Variants in HYCC2 observed in about 807,000 individuals in gnomAD.
HYCC2 encodes hyccin PI4KA lipid kinase complex subunit 2, also known as hyccin 2.
the HYCC2 span, among the ~76,000 whole-genome samples, chr2:200,984,153 C>G: frequency 1.3e-5 from 2 of 152,152 alleles, no homozygotes; most frequent in African/African-American, 4.8e-5. Flanking sequence ...GATCCTCCCA[C>G]CTCAGCCTCT....
At chr2:201,063,466 A>C in the HYCC2 span, 1 of 1,591,212 alleles carries the variant, frequency 6.3e-7, no homozygotes, top group Non-Finnish European at 8.5e-7. Context: ...ATTATTTTGA[A>C]CAGTATGGAA....
At chr2:201,048,749 T>G in the HYCC2 span, among the ~76,000 whole-genome samples, 2 of 152,108 alleles carry the variant, frequency 1.3e-5, no homozygotes, top group African/African-American at 2.4e-5. Flanking sequence ...AGGATGATTA[T>G]TAGAGATTAA....
chr2:200,981,704 T>C, the HYCC2 span: 4 of 1,614,044 alleles, frequency 2.5e-6, no homozygotes, highest in Admixed American at 6.7e-5. This position sits in a 1 kb window ranked among gnomAD's most constrained non-coding sequence, Gnocchi z 4.5. Context: ...GCTGTTTCTT[T>C]ATCCTTGGCT....
chr2:200,995,825 G>A, the HYCC2 span, among the ~76,000 whole-genome samples: 6 of 152,270 alleles, frequency 3.9e-5, no homozygotes, highest in East Asian at 1.2e-3. Flanking sequence ...GATGTGTGAT[G>A]TTTTACCCTG....
the HYCC2 span, chr2:201,011,507 A>C: frequency 9.5e-7 from 1 of 1,057,018 alleles, no homozygotes. Context: ...TAATGAAATA[A>C]TCACAGATCT....
At chr2:201,071,534 T>C in the HYCC2 span, 1 of 152,658 alleles carries the variant, frequency 6.6e-6, no homozygotes, top group Non-Finnish European at 1.5e-5. Flanking sequence ...CCGTCTGTAG[T>C]TTCCGCGGCC....
the HYCC2 span, among the ~76,000 whole-genome samples, chr2:201,059,247 A>G: frequency 1.4e-4 from 22 of 152,322 alleles, no homozygotes; most frequent in African/African-American, 4.3e-4. Context: ...ACCTTATAAT[A>G]AATCACACAC....
the HYCC2 span, among the ~76,000 whole-genome samples, chr2:201,042,643 G>A: frequency 2.7e-5 from 4 of 149,644 alleles, no homozygotes; most frequent in Non-Finnish European, 5.9e-5. Flanking sequence ...CCTGGCAGCC[G>A]CCCCATCCGG....
chr2:201,016,845 C>T, the HYCC2 span: 1 of 702,256 alleles, frequency 1.4e-6, no homozygotes, highest in African/African-American at 1.8e-5. Flanking sequence ...AGTGATATGC[C>T]TGCCTTGGCC....
chr2:201,043,500 TTTTC>T, the HYCC2 span, among the ~76,000 whole-genome samples: 1 of 149,916 alleles, frequency 6.7e-6, no homozygotes, highest in Non-Finnish European at 1.5e-5. Context: ...TAAACATATA[TTTTC>T]TTTTTTTCTT....
the HYCC2 span, among the ~76,000 whole-genome samples, chr2:201,019,397 T>TG: frequency 6.7e-6 from 1 of 149,564 alleles, no homozygotes; most frequent in African/African-American, 2.4e-5. Flanking sequence ...TGTAAGCGAA[T>TG]GGGGGGTAGA....
the HYCC2 span, among the ~76,000 whole-genome samples, chr2:201,062,589 T>G: frequency 6.6e-6 from 1 of 150,846 alleles, no homozygotes; most frequent in Non-Finnish European, 1.5e-5. Context: ...AGGCAGAGCT[T>G]GCAGTGAGCT....
the HYCC2 span, among the ~76,000 whole-genome samples, chr2:201,064,723 T>G: frequency 6.6e-6 from 1 of 152,222 alleles, no homozygotes; most frequent in African/African-American, 2.4e-5. Context: ...TATCATCCAT[T>G]ATCATGTGTA....
At chr2:200,988,431 T>C in the HYCC2 span, 11 of 1,606,096 alleles carry the variant, frequency 6.8e-6, no homozygotes, top group African/African-American at 4.0e-5. Flanking sequence ...CCTACAATGA[T>C]AATATAAGTC....
chr2:201,069,693 T>C, the HYCC2 span, among the ~76,000 whole-genome samples: 1 of 152,062 alleles, frequency 6.6e-6, no homozygotes, highest in Non-Finnish European at 1.5e-5. Flanking sequence ...ATTTTCTTTG[T>C]GACTGAGATT....
the HYCC2 span, among the ~76,000 whole-genome samples, chr2:201,033,242 G>A: frequency 6.8e-6 from 1 of 146,366 alleles, no homozygotes; most frequent in Non-Finnish European, 1.5e-5. Context: ...TGTTTCCCAG[G>A]CTGGAATGCA....
At chr2:201,011,081 G>C in the HYCC2 span, among the ~76,000 whole-genome samples, 6 of 151,986 alleles carry the variant, frequency 3.9e-5, no homozygotes, top group Non-Finnish European at 8.8e-5. Context: ...GGAGGCAGAG[G>C]TTGCAGTGAG....
At chr2:201,062,414 C>G in the HYCC2 span, among the ~76,000 whole-genome samples, 1 of 151,870 alleles carries the variant, frequency 6.6e-6, no homozygotes. Flanking sequence ...TTTGGGAGGC[C>G]GAGGCAGGCA....
chr2:201,032,830 A>G, the HYCC2 span, among the ~76,000 whole-genome samples: 1 of 151,980 alleles, frequency 6.6e-6, no homozygotes, highest in Admixed American at 6.6e-5. Context: ...CTAATTTTTT[A>G]TAATTTTGTT....
Sources: allele counts gnomAD v4.1 joint callset (sites outside exome capture counted in the v4.1 genomes callset), GRCh38; gene constraint gnomAD v4.1.1; non-coding constraint Gnocchi (gnomAD v3.1); transcripts MANE v1.5; gene names NCBI Gene and HGNC (gene_info 2026-07-23, HGNC 2026-07-21).